ARHGAP26: variants seen among roughly 807,000 people sequenced by gnomAD.
The protein encoded by ARHGAP26 is rho GTPase-activating protein 26.
Under a neutral mutation model 104.8 loss-of-function variants are expected in ARHGAP26, and 38 were observed. The observed-to-expected ratio is 0.36, with a 90% CI of 0.28 to 0.48. The LOEUF is 0.48. ARHGAP26 is among the 20% of genes least tolerant of loss of function. ARHGAP26 has a pLI of 0.99. For synonymous variants in ARHGAP26, 341 were observed against 340.0 expected, an observed-to-expected ratio of 1.00 and a Z score of -0.03; for missense variants, 704 against 947.9, an observed-to-expected ratio of 0.74 and a Z score of 3.38.
intron 1 of ARHGAP26, among the ~76,000 whole-genome samples, chr5:142,794,322 A>G (rs2151927368): frequency 6.6e-6 from 1 of 152,292 alleles, no homozygotes; most frequent in African/African-American, 2.4e-5. Context: ...GTGTTCTGAA[A>G]GTCAGGGAGG....
chr5:143,044,078 GT>G (rs1783870283), intron 14 of ARHGAP26, among the ~76,000 whole-genome samples: 1 of 152,040 alleles, frequency 6.6e-6, no homozygotes, highest in Non-Finnish European at 1.5e-5. Flanking sequence ...GGTGTTTGGG[GT>G]TTTTTCTATA....
intron 20 of ARHGAP26, among the ~76,000 whole-genome samples, chr5:143,204,291 G>A (rs777200666): frequency 5.3e-5 from 8 of 152,182 alleles, no homozygotes; most frequent in Non-Finnish European, 7.3e-5. Flanking sequence ...GGGAGGCCAA[G>A]GTGGGTGGAA....
In ARHGAP26 at chr5:143,029,392, G is replaced by GTTTTTTTTTTT. The variant is rs536919888; in HGVS notation, c.1145-7784_1145-7774dup. ...CATGTTAGAAATCCTTTACTTCTCAGTTTTTTTTTTTTTTTTTTTTTTTTT... is the reference window on the plus strand; with the variant it reads ...CATGTTAGAAATCCTTTACTTCTCAGTTTTTTTTTTTTTTTTTTTTTTTTTTTTTTTTTTTT... On this transcript the variant is annotated intron_variant, in intron 12 of 22. Coordinates refer to ENST00000645722, the MANE Select transcript of ARHGAP26 (RefSeq NM_001135608.3). 6.2e-5 allele frequency among the ~76,000 whole-genome samples: 5 copies of GTTTTTTTTTTT among 80,846 alleles called. 2 individuals carry two copies. Among genetic ancestry groups the GTTTTTTTTTTT allele is most frequent in the Non-Finnish European group, 7.4e-5 (3 of 40,678 alleles). The allele number at this position is 80,846 out of a possible 152,430, so 53.0% of individuals were successfully genotyped here. A position where few individuals can be genotyped will look rare whatever the true frequency, so the allele number is the denominator to read the frequency against.
At chr5:142,912,387 C>T (rs1183466653) in intron 9 of ARHGAP26, among the ~76,000 whole-genome samples, 22 of 152,214 alleles carry the variant, frequency 1.4e-4, no homozygotes, top group Admixed American at 1.4e-3. Flanking sequence ...AAAGCAGATT[C>T]AGCGATTGCT....
chr5:142,924,790 A>G (rs1763679010), intron 10 of ARHGAP26, among the ~76,000 whole-genome samples: 1 of 152,222 alleles, frequency 6.6e-6, no homozygotes, highest in Non-Finnish European at 1.5e-5. Flanking sequence ...ATTGCCTTCC[A>G]GTGATGGCAC....
chr5:142,831,805 C>G (rs1768493960), intron 1 of ARHGAP26, among the ~76,000 whole-genome samples: 1 of 152,170 alleles, frequency 6.6e-6, no homozygotes, highest in African/African-American at 2.4e-5. Context: ...GTAGCAATTT[C>G]TCATGGATTC....
At chr5:142,791,039 T>C (rs754675348) in intron 1 of ARHGAP26, among the ~76,000 whole-genome samples, 3 of 152,074 alleles carry the variant, frequency 2.0e-5, no homozygotes, top group Non-Finnish European at 2.9e-5. Context: ...GCCTCAAGCA[T>C]CAAGCATCTC....
intron 1 of ARHGAP26, among the ~76,000 whole-genome samples, chr5:142,784,908 A>G (rs1758238871): frequency 6.7e-6 from 1 of 150,252 alleles, no homozygotes; most frequent in Non-Finnish European, 1.5e-5. Flanking sequence ...ATCCCTAGGC[A>G]ACCACTTCCT....
At chr5:142,879,247 A>T in intron 3 of ARHGAP26, 127 bp from the exon 4 acceptor site, 2 of 820,348 alleles carry the variant, frequency 2.4e-6, no homozygotes, top group Admixed American at 3.5e-5. Flanking sequence ...AACAGTTGAC[A>T]TGTACAACAC....
intron 20 of ARHGAP26, among the ~76,000 whole-genome samples, chr5:143,188,007 C>T (rs756264363): frequency 6.6e-6 from 1 of 152,200 alleles, no homozygotes; most frequent in South Asian, 2.1e-4. Context: ...TCGCAAACTA[C>T]ACCAGCCCAG....
intron 11 of ARHGAP26, among the ~76,000 whole-genome samples, chr5:143,000,613 A>T (rs1055613925): frequency 1.3e-5 from 2 of 152,250 alleles, no homozygotes; most frequent in African/African-American, 4.8e-5. Context: ...AATAGCAAAG[A>T]CTTGGAACCA....
At chr5:143,073,287 T>C (rs1788527167) in intron 17 of ARHGAP26, among the ~76,000 whole-genome samples, 2 of 152,210 alleles carry the variant, frequency 1.3e-5, no homozygotes, top group South Asian at 4.1e-4. Context: ...CCAGTAACTT[T>C]GGCATGTAAG....
chr5:142,933,344 AATAAGTGCTGTGATTCCATTTTATAG>A (rs1395775480), intron 11 of ARHGAP26, among the ~76,000 whole-genome samples: 1 of 151,904 alleles, frequency 6.6e-6, no homozygotes, highest in African/African-American at 2.4e-5. Context: ...CACTTAATGA[AATAAGTGCTGTGATTCCATTTTATAG>A]ATAAGTAAAC....
Position 142,770,667 on chromosome 5 carries a change from G to A in ARHGAP26, c.-95G>A, listed in dbSNP as rs1387009138. 8 of 940,528 alleles carry A rather than the reference G, an allele frequency of 8.5e-6. No individual in the cohort carries two copies. The highest frequency in any genetic ancestry group is 3.6e-5 in the African/African-American group (2 of 56,290). 58.3% of individuals were successfully genotyped at this position (940,528 alleles called of 1,614,324 possible). A position where few individuals can be genotyped will look rare whatever the true frequency, so the allele number is the denominator to read the frequency against. On this transcript the variant is annotated 5_prime_UTR_variant, in exon 1 of 23. Coordinates refer to ENST00000645722, the MANE Select transcript of ARHGAP26 (RefSeq NM_001135608.3). ...ACCTGTGGAGCCGGCGGCCGTCGGGGGAGCCGGCCGGGGTCCCGCCGCGTG... is the reference window on the plus strand; with the variant it reads ...ACCTGTGGAGCCGGCGGCCGTCGGGAGAGCCGGCCGGGGTCCCGCCGCGTG...
chr5:143,166,657 C>T (rs3776249), intron 20 of ARHGAP26, among the ~76,000 whole-genome samples: 13,066 of 152,234 alleles, frequency 0.086, 706 homozygotes, highest in Non-Finnish European at 0.11. Context: ...TGCTGCTTTG[C>T]TAAATTCTCT....
At chr5:142,949,334 T>TCTCCTCG (rs1767939787) in intron 11 of ARHGAP26, among the ~76,000 whole-genome samples, 1 of 151,730 alleles carries the variant, frequency 6.6e-6, no homozygotes, top group Non-Finnish European at 1.5e-5. Flanking sequence ...TATGTTCCTC[T>TCTCCTCG]CTATGAACAG....
At chr5:143,037,043 A>G (rs1391123858) in intron 12 of ARHGAP26, among the ~76,000 whole-genome samples, 153 bp from the exon 13 acceptor site, 1 of 152,192 alleles carries the variant, frequency 6.6e-6, no homozygotes, top group Non-Finnish European at 1.5e-5. Flanking sequence ...AGCTATTATT[A>G]TTATTATTAT....
At chr5:142,940,473 G>T (rs145817891) in intron 11 of ARHGAP26, among the ~76,000 whole-genome samples, 1 of 151,758 alleles carries the variant, frequency 6.6e-6, no homozygotes, top group South Asian at 2.1e-4. Context: ...CCCTCCTCCC[G>T]CCCTCCACTG....
intron 14 of ARHGAP26, among the ~76,000 whole-genome samples, chr5:143,045,326 A>G (rs1784063740): frequency 6.6e-6 from 1 of 152,262 alleles, no homozygotes; most frequent in African/African-American, 2.4e-5. Flanking sequence ...CAAGATGACC[A>G]CAGTGTAACA....
Sources: allele counts gnomAD v4.1 joint callset (sites outside exome capture counted in the v4.1 genomes callset), GRCh38; gene constraint gnomAD v4.1.1; transcripts MANE v1.5; gene names NCBI Gene and HGNC (gene_info 2026-07-23, HGNC 2026-07-21).